LONP2: variants seen among roughly 807,000 people sequenced by gnomAD.
LONP2 encodes the protein lon protease homolog 2, peroxisomal.
Under a neutral mutation model 85.6 loss-of-function variants are expected in LONP2, and 60 were observed. The observed-to-expected ratio is 0.70, with a 90% CI of 0.57 to 0.87. The LOEUF is 0.87. Ranked by LOEUF, LONP2 falls within the 40% of genes least tolerant of loss-of-function variation. The probability of loss-of-function intolerance (pLI) is 0.00; values close to 1 mark genes in which losing one functional copy is unlikely to be tolerated. For missense variants in LONP2, 860 were observed against 1,063.5 expected (o/e 0.81, Z 2.66); for synonymous variants, 395 against 389.7 (o/e 1.01, Z -0.16).
In LONP2 at chr16:48,286,804, CT is replaced by C. The variant is rs112306337; in HGVS notation, c.1384-9199del. ...GAGCCACTGAACCCAGCTGACTTCT[CT>C]TTTTTTTTTTTACTCTTTAGGGCCG... On this transcript the variant is annotated intron_variant, in intron 8 of 14. Transcript: ENST00000285737. Among the ~76,000 whole-genome samples, 1,150 of 142,600 alleles carry C rather than the reference CT, an allele frequency of 8.1e-3. 12 individuals carry two copies. Among genetic ancestry groups the C allele is most frequent in the African/African-American group, 0.023 (913 of 39,172 alleles). 93.6% of individuals were successfully genotyped at this position (142,600 alleles called of 152,430 possible). A position where few individuals can be genotyped will look rare whatever the true frequency, so the allele number is the denominator to read the frequency against.
intron 14 of LONP2, among the ~76,000 whole-genome samples, chr16:48,350,918 T>C (rs1426987300): frequency 4.6e-5 from 7 of 152,178 alleles, no homozygotes; most frequent in Non-Finnish European, 8.8e-5. Context: ...TCAGACATTA[T>C]GACTGGCCAC....
chr16:48,245,203 G>C (rs1971296985), intron 1 of LONP2, among the ~76,000 whole-genome samples: 1 of 151,802 alleles, frequency 6.6e-6, no homozygotes, highest in African/African-American at 2.4e-5. Flanking sequence ...GTTTCCCTTT[G>C]TAAAGGGCCT....
intron 7 of LONP2, among the ~76,000 whole-genome samples, chr16:48,270,658 G>A (rs536546451): frequency 6.6e-6 from 1 of 152,282 alleles, no homozygotes. Flanking sequence ...AGGGCCAATA[G>A]GAGGAGGTGA....
intron 8 of LONP2, among the ~76,000 whole-genome samples, chr16:48,285,731 A>G (rs1405384914): frequency 2.0e-5 from 3 of 152,190 alleles, no homozygotes; most frequent in African/African-American, 7.2e-5. Flanking sequence ...TTGTCAAGAC[A>G]TCATTCTCAT....
chr16:48,303,318 G>C lies in LONP2; in HGVS notation c.1795+13G>C. On this transcript the variant is annotated intron_variant, in intron 11 of 14. Transcript: ENST00000285737. ...ACTGAGAGAGAAGGTTGGTGACCTTGTTCTGGCATTCTCAGGCCTGGTGGC... is the reference window on the plus strand; with the variant it reads ...ACTGAGAGAGAAGGTTGGTGACCTTCTTCTGGCATTCTCAGGCCTGGTGGC... The C allele has an allele frequency of 6.2e-7, 1 of 1,610,590 alleles. No individual in the cohort carries two copies. The highest frequency in any genetic ancestry group is 8.5e-7 in the Non-Finnish European group (1 of 1,177,028).
chr16:48,246,048 A>G (rs547820871), intron 1 of LONP2, among the ~76,000 whole-genome samples: 8 of 152,076 alleles, frequency 5.3e-5, no homozygotes, highest in African/African-American at 7.2e-5. Flanking sequence ...TCTTGTGACT[A>G]TGTACATTTT....
intron 8 of LONP2, among the ~76,000 whole-genome samples, chr16:48,283,448 G>A (rs1972372436): frequency 6.6e-6 from 1 of 152,124 alleles, no homozygotes; most frequent in South Asian, 2.1e-4. Context: ...TAATGCAGCT[G>A]GTGACTTTAA....
rs775342149 is a variant in LONP2, at chr16:48,362,582, AAAAAT to A, written c.*725_*729del. The A allele has an allele frequency of 3.6e-4, 269 of 757,390 alleles. No individual in the cohort carries two copies. The highest frequency in any genetic ancestry group is 5.2e-4 in the Non-Finnish European group (243 of 469,990). The allele number at this position is 757,390 out of a possible 1,614,324, so 46.9% of individuals were successfully genotyped here. A position where few individuals can be genotyped will look rare whatever the true frequency, so the allele number is the denominator to read the frequency against. On this transcript the variant is annotated 3_prime_UTR_variant, in exon 5 of 5. Transcript: ENST00000565867. The surrounding 1 kb of genome is among the most constrained non-coding windows in gnomAD (Gnocchi z 4.2). The stretch of plus-strand genomic sequence containing the variant: ...AAAATAGGATTAAAAAAGATATTAA[AAAAAT>A]AAAATTACACTGAATGTGCACTTTA...
intron 12 of LONP2, chr16:48,334,665 C>T (rs773223818): frequency 5.1e-6 from 3 of 592,980 alleles, no homozygotes; most frequent in South Asian, 3.1e-5. Flanking sequence ...AGGGTGGACT[C>T]TTTCTGGATG....
At chr16:48,333,828 T>C (rs1325464050) in intron 11 of LONP2, among the ~76,000 whole-genome samples, 1 of 152,214 alleles carries the variant, frequency 6.6e-6, no homozygotes, top group Non-Finnish European at 1.5e-5. Flanking sequence ...AGTAACCTAC[T>C]GCGCTTAGCC....
At position 48,354,196 on chromosome 16, in the gene LONP2, C is replaced by CTTTTTTTTTTT. The variant is rs1159788312; in HGVS notation, c.*2413_*2423dup. On this transcript the variant is annotated 3_prime_UTR_variant, in exon 15 of 15. Transcript: ENST00000285737. ...GATCTAAGCATGTCCACTCTACACGCTTTTTTTTTTTTTTTTTTTTTTTTT... is the reference window on the plus strand; with the variant it reads ...GATCTAAGCATGTCCACTCTACACGCTTTTTTTTTTTTTTTTTTTTTTTTTTTTTTTTTTTT... 16 of 46,200 alleles carry CTTTTTTTTTTT rather than the reference C, an allele frequency of 3.5e-4. 6 individuals are homozygous for CTTTTTTTTTTT. Among genetic ancestry groups the CTTTTTTTTTTT allele is most frequent in the Non-Finnish European group, 5.2e-4 (13 of 24,800 alleles). 2.9% of individuals were successfully genotyped at this position (46,200 alleles called of 1,614,324 possible).
chr16:48,321,481 T>C (rs947361242), intron 11 of LONP2, among the ~76,000 whole-genome samples: 1 of 152,214 alleles, frequency 6.6e-6, no homozygotes, highest in African/African-American at 2.4e-5. Flanking sequence ...GTGAGTCAGC[T>C]AGCATTTACT....
chr16:48,248,421 A>G (rs989917633), intron 1 of LONP2, among the ~76,000 whole-genome samples: 1 of 151,628 alleles, frequency 6.6e-6, no homozygotes, highest in African/African-American at 2.4e-5. Flanking sequence ...CCACCATGCC[A>G]TGTTCTACCT....
At chr16:48,267,202 T>C (rs756421310) in intron 6 of LONP2, among the ~76,000 whole-genome samples, 1 of 152,164 alleles carries the variant, frequency 6.6e-6, no homozygotes, top group Non-Finnish European at 1.5e-5. Flanking sequence ...GATGAATAAA[T>C]TATGGTATAA....
chr16:48,340,226 T>G (rs1306397180), intron 12 of LONP2, among the ~76,000 whole-genome samples: 2 of 152,216 alleles, frequency 1.3e-5, no homozygotes, highest in Non-Finnish European at 2.9e-5. Context: ...AATTTTAAAC[T>G]TAGTCTCTTT....
In LONP2 at chr16:48,244,563, G is replaced by C; in HGVS notation, c.175G>C (p.Val59Leu). The C allele has an allele frequency of 6.5e-7, 1 of 1,532,692 alleles. No homozygotes were observed. The highest frequency in any genetic ancestry group is 8.8e-7 in the Non-Finnish European group (1 of 1,142,842). The allele number at this position is 1,532,692 out of a possible 1,614,324, so 94.9% of individuals were successfully genotyped here. A position where few individuals can be genotyped will look rare whatever the true frequency, so the allele number is the denominator to read the frequency against. ...GTSLQSTILG[V>L]IPNTPDPASD... ...GTCGCTGCAAAGCACCATCCTGGGC[G>C]TCATCCCCAACACGCCTGACCCCGC... The change falls in exon 1 of 15, where the codon GTC (valine) becomes CTC (leucine). Residue 59 changes from valine to leucine, a missense_variant. Physicochemically the swap from Val to Leu is conservative, Grantham distance 32 (BLOSUM62 1). This residue lies in a region of LONP2 where 743 missense variants were observed against 917.3 expected (regional missense o/e 0.81). Transcript: ENST00000285737.
chr16:48,294,304 ATAAT>A (rs1972623051), intron 8 of LONP2, among the ~76,000 whole-genome samples: 1 of 152,330 alleles, frequency 6.6e-6, no homozygotes, highest in Admixed American at 6.5e-5. Flanking sequence ...AATACTGAAC[ATAAT>A]TAGTTTTCCT....
chr16:48,256,466 G>GT, intron 2 of LONP2, 144 bp from the exon 3 acceptor site: 1 of 772,902 alleles, frequency 1.3e-6, no homozygotes. Context: ...TCTGAGGCCT[G>GT]TAAAATACGT....
At chr16:48,272,090 T>G (rs1172845338) in intron 7 of LONP2, among the ~76,000 whole-genome samples, 1 of 152,218 alleles carries the variant, frequency 6.6e-6, no homozygotes, top group Non-Finnish European at 1.5e-5. Context: ...CTTTTCACAT[T>G]GGTATTGATT....
Sources: gnomAD v4.1 joint callset for allele counts (sites outside exome capture counted in the v4.1 genomes callset) on GRCh38, gnomAD v4.1.1 for gene constraint, gnomAD v4.1.1 regional missense constraint, Gnocchi (gnomAD v3.1) non-coding constraint, MANE v1.5 for transcripts, NCBI Gene and HGNC (gene_info 2026-07-23, HGNC 2026-07-21) for gene names.